The following ARHGAP44 variants were observed in gnomAD, a reference collection of about 807,000 sequenced individuals.
ARHGAP44 encodes the protein rho GTPase-activating protein 44.
ARHGAP44 carries 43 observed loss-of-function variants against 106.8 expected under a neutral mutation model. That is an observed-to-expected ratio of 0.40 (90% confidence interval 0.32 to 0.52). ARHGAP44 has a LOEUF of 0.52. Among genes scored for constraint, ARHGAP44 ranks in the 20% least tolerant of loss-of-function variants. The probability of loss-of-function intolerance (pLI) is 0.48; values close to 1 mark genes in which losing one functional copy is unlikely to be tolerated. For missense variants in ARHGAP44, 866 were observed against 1,050.5 expected (o/e 0.82, Z 2.43); for synonymous variants, 439 against 410.3 (o/e 1.07, Z -0.85).
chr17:12,900,406 C>T (rs905796346), intron 3 of ARHGAP44, among the ~76,000 whole-genome samples: 1 of 151,896 alleles, frequency 6.6e-6, no homozygotes, highest in Non-Finnish European at 1.5e-5. Flanking sequence ...GGATTACAGG[C>T]GTGAGCCACC....
chr17:12,908,191 CT>C (rs1228178926), intron 3 of ARHGAP44, among the ~76,000 whole-genome samples: 2,476 of 95,526 alleles, frequency 0.026, 39 homozygotes, highest in African/African-American at 0.1. Flanking sequence ...TGCCTCATTT[CT>C]TTTTTTTTTT....
At position 12,989,101 on chromosome 17, in the gene ARHGAP44, C is replaced by CCA. The variant is rs1598173210; in HGVS notation, c.2318-931_2318-930insCA. ...GACAAGAGCGAAACTCCACCCCCCC[C>CCA]AAAAAAAAAAAAAAAAAAAAAAAAC... On this transcript the variant is annotated intron_variant, in intron 20 of 20. Transcript: ENST00000379672. Among the ~76,000 whole-genome samples, 143 of 45,162 alleles carry CCA rather than the reference C, an allele frequency of 3.2e-3. 1 individual carries two copies. The highest frequency in any genetic ancestry group is 0.015 in the Middle Eastern group (1 of 66). 29.6% of individuals were successfully genotyped at this position (45,162 alleles called of 152,430 possible).
chr17:12,854,239 A>T (rs1341524124), intron 1 of ARHGAP44, among the ~76,000 whole-genome samples: 1 of 152,172 alleles, frequency 6.6e-6, no homozygotes, highest in Non-Finnish European at 1.5e-5. Context: ...AGCAGGGAGA[A>T]TTAGCACTGC....
chr17:12,948,084 T>A (rs1207369253), intron 10 of ARHGAP44, among the ~76,000 whole-genome samples: 2 of 152,208 alleles, frequency 1.3e-5, no homozygotes, highest in African/African-American at 4.8e-5. Context: ...TGCAAGGAAC[T>A]AAGATGAAAC....
intron 16 of ARHGAP44, among the ~76,000 whole-genome samples, chr17:12,966,500 A>G (rs2039394941): frequency 6.6e-6 from 1 of 152,154 alleles, no homozygotes. Flanking sequence ...GCTGGAAAAT[A>G]CCGAATTCAG....
At chr17:12,920,067 C>T (rs1177756385) in intron 6 of ARHGAP44, among the ~76,000 whole-genome samples, 1 of 151,998 alleles carries the variant, frequency 6.6e-6, no homozygotes, top group Non-Finnish European at 1.5e-5. Context: ...CAAGACAGTT[C>T]TAGAAAGATA....
At chr17:12,811,176 G>A (rs1185424311) in intron 1 of ARHGAP44, among the ~76,000 whole-genome samples, 2 of 151,968 alleles carry the variant, frequency 1.3e-5, no homozygotes, top group Non-Finnish European at 2.9e-5. Context: ...AGCCAGGCGT[G>A]GTGGCGGGCG....
chr17:12,987,402 C>G, intron 20 of ARHGAP44: 1 of 428,846 alleles, frequency 2.3e-6, no homozygotes, highest in South Asian at 4.5e-5. Context: ...CCCTTTCCCC[C>G]ACCTTCTCTT....
rs181860577 is a variant in ARHGAP44, at chr17:12,990,332, G to A, written c.*161G>A. 8.9e-6 allele frequency: 8 copies of A among 895,282 alleles called. No homozygotes were observed. The highest frequency in any genetic ancestry group is 1.3e-5 in the Non-Finnish European group (8 of 607,050). The allele number at this position is 895,282 out of a possible 1,614,324, so 55.5% of individuals were successfully genotyped here. On this transcript the variant is annotated 3_prime_UTR_variant, in exon 21 of 21. Transcript: ENST00000379672. ...GGCAGAAAATTGTGATCTCCAGTCC[G>A]TGTGGTGATGCTGGTGGTGCAGGTT...
At chr17:12,983,367 G>A (rs1248047331) in intron 19 of ARHGAP44, among the ~76,000 whole-genome samples, 1 of 150,370 alleles carries the variant, frequency 6.7e-6, no homozygotes, top group Non-Finnish European at 1.5e-5. Flanking sequence ...TGCCCATCAA[G>A]TATCTCCTGG....
intron 7 of ARHGAP44, among the ~76,000 whole-genome samples, chr17:12,938,528 A>G (rs1432508201): frequency 6.6e-6 from 1 of 150,882 alleles, no homozygotes; most frequent in African/African-American, 2.4e-5. Flanking sequence ...TTCATACCAT[A>G]GAGCAGTCTG....
chr17:12,868,891 C>T lies in ARHGAP44; in HGVS notation c.54-26049C>T, dbSNP rs923059010. Among the ~76,000 whole-genome samples, 29 of 151,440 alleles carry T rather than the reference C, an allele frequency of 1.9e-4. No homozygotes were observed. The East Asian group carries it at 4.5e-3, about 23-fold the overall frequency. On this transcript the variant is annotated intron_variant, in intron 1 of 20. Coordinates refer to ENST00000379672, the MANE Select transcript of ARHGAP44 (RefSeq NM_014859.6). Reference sequence around the variant, plus strand: ...CAGGCTGGTCTGGAACTCCTGACCTCGTGATCCACCCACCTTGGCCTCCCA... The same window carrying T: ...CAGGCTGGTCTGGAACTCCTGACCTTGTGATCCACCCACCTTGGCCTCCCA...
intron 19 of ARHGAP44, among the ~76,000 whole-genome samples, chr17:12,982,114 C>T (rs2039848607): frequency 6.6e-6 from 1 of 152,156 alleles, no homozygotes; most frequent in African/African-American, 2.4e-5. Context: ...CTGTAGCAGC[C>T]ACCCAGCCTC....
rs563458311 is a variant in ARHGAP44, at chr17:12,946,572, G to A, written c.861+2376G>A. Reference sequence around the variant, plus strand: ...CCAACACTTTGGGAGGCTGAGGAGGGCAGATCACCTGAGGTTAGGAATTCG... The same window carrying A: ...CCAACACTTTGGGAGGCTGAGGAGGACAGATCACCTGAGGTTAGGAATTCG... On this transcript the variant is annotated intron_variant, in intron 10 of 20. Transcript: ENST00000379672. Among the ~76,000 whole-genome samples the A allele has an allele frequency of 2.6e-5, 4 of 152,122 alleles. No individual in the cohort carries two copies. In the South Asian group the frequency reaches 8.3e-4, roughly 32 times the overall value.
intron 7 of ARHGAP44, 123 bp downstream of exon 7, chr17:12,929,169 C>A: frequency 1.1e-6 from 1 of 884,696 alleles, no homozygotes; most frequent in Non-Finnish European, 1.7e-6. Flanking sequence ...TGAATGTCCC[C>A]AAGCCCGCCG....
At chr17:12,942,587 C>G (rs1005523073) in intron 8 of ARHGAP44, among the ~76,000 whole-genome samples, 6 of 152,070 alleles carry the variant, frequency 3.9e-5, no homozygotes, top group Non-Finnish European at 8.8e-5. Context: ...TACTAGACAG[C>G]CTAATTGTCA....
At chr17:12,989,613 A>G (rs576617161) in intron 20 of ARHGAP44, among the ~76,000 whole-genome samples, 17 of 152,188 alleles carry the variant, frequency 1.1e-4, no homozygotes, top group Middle Eastern at 3.4e-3. Context: ...ATTCTCTCAC[A>G]GGCTTGAGAG....
intron 1 of ARHGAP44, among the ~76,000 whole-genome samples, chr17:12,879,571 A>G (rs1046988413): frequency 1.3e-5 from 2 of 151,990 alleles, no homozygotes; most frequent in Non-Finnish European, 2.9e-5. Flanking sequence ...ATACCCTACA[A>G]CTCAGCACTT....
intron 18 of ARHGAP44, among the ~76,000 whole-genome samples, chr17:12,978,668 T>G (rs2039754918): frequency 7.0e-6 from 1 of 143,180 alleles, no homozygotes; most frequent in South Asian, 2.2e-4. Context: ...TGTGCCTGCC[T>G]TTTTTTTTTC....
Sources: allele counts gnomAD v4.1 joint callset (sites outside exome capture counted in the v4.1 genomes callset), GRCh38; gene constraint gnomAD v4.1.1; transcripts MANE v1.5; gene names NCBI Gene and HGNC (gene_info 2026-07-23, HGNC 2026-07-21).